VAC14: variants seen among roughly 807,000 people sequenced by gnomAD.
VAC14 encodes the protein VAC14 component of PIKFYVE complex.
A neutral mutation model predicts 85.3 loss-of-function variants in VAC14; 47 were observed. The observed-to-expected ratio is 0.55, with a 90% CI of 0.44 to 0.70. VAC14 has a LOEUF of 0.70. Ranked by LOEUF, VAC14 falls within the 30% of genes least tolerant of loss-of-function variation. VAC14 has a pLI of 0.00. For synonymous variants in VAC14, 447 were observed against 430.5 expected, an observed-to-expected ratio of 1.04 and a Z score of -0.47; for missense variants, 861 against 1,004.3, an observed-to-expected ratio of 0.86 and a Z score of 1.93.
intron 9 of VAC14, among the ~76,000 whole-genome samples, chr16:70,775,266 C>T (rs1379742266): frequency 6.6e-6 from 1 of 152,176 alleles, no homozygotes; most frequent in Non-Finnish European, 1.5e-5. Flanking sequence ...AATTTTCAAA[C>T]ACAAAGCAAA....
chr16:70,744,342 C>G, intron 13 of VAC14, 81 bp downstream of exon 13: 1 of 1,568,856 alleles, frequency 6.4e-7, no homozygotes, highest in Non-Finnish European at 8.6e-7. Context: ...AGCAACAACC[C>G]AAAGGACCGC....
intron 15 of VAC14, among the ~76,000 whole-genome samples, chr16:70,697,686 C>A (rs1455130384): frequency 1.3e-5 from 2 of 152,192 alleles, no homozygotes; most frequent in Admixed American, 1.3e-4. Context: ...CTGCAGTCCA[C>A]TTCGAACACT....
chr16:70,729,078 T>C (rs2143000947), intron 14 of VAC14, among the ~76,000 whole-genome samples: 1 of 152,280 alleles, frequency 6.6e-6, no homozygotes, highest in Admixed American at 6.5e-5. Context: ...ACTGGGGTGA[T>C]TCTCCTCCCT....
intron 1 of VAC14, among the ~76,000 whole-genome samples, chr16:70,795,899 T>TG (rs1477041150): frequency 1.3e-5 from 2 of 152,122 alleles, no homozygotes; most frequent in African/African-American, 4.8e-5. Flanking sequence ...AGTGAGACAG[T>TG]GGGGGCCCTG....
intron 14 of VAC14, among the ~76,000 whole-genome samples, chr16:70,703,744 A>G (rs958085416): frequency 1.3e-5 from 2 of 152,170 alleles, no homozygotes; most frequent in African/African-American, 4.8e-5. Context: ...CCACATACCC[A>G]GGCGCTCTCA....
At chr16:70,730,059 C>T (rs948823530) in intron 14 of VAC14, among the ~76,000 whole-genome samples, 6 of 152,038 alleles carry the variant, frequency 3.9e-5, no homozygotes, top group African/African-American at 1.4e-4. Context: ...AACCAGAGGC[C>T]TGGACACCCT....
intron 16 of VAC14, 62 bp downstream of exon 16, chr16:70,697,077 G>T: frequency 7.1e-7 from 1 of 1,415,926 alleles, no homozygotes; most frequent in Non-Finnish European, 9.9e-7. Flanking sequence ...GTGGAAAGGG[G>T]GCAGCCGGCC....
At chr16:70,765,066 G>A (rs1386139835) in intron 10 of VAC14, among the ~76,000 whole-genome samples, 1 of 152,176 alleles carries the variant, frequency 6.6e-6, no homozygotes, top group Non-Finnish European at 1.5e-5. Context: ...AAGGCCTTAT[G>A]CAAAGCAGGT....
chr16:70,687,918 G>A lies in VAC14; in HGVS notation c.*10C>T, dbSNP rs1464972811. The A allele has an allele frequency of 2.0e-6, 3 of 1,527,194 alleles. No homozygotes were observed. The highest frequency in any genetic ancestry group is 1.8e-6 in the Non-Finnish European group (2 of 1,131,020). 94.6% of individuals were successfully genotyped at this position (1,527,194 alleles called of 1,614,324 possible). On this transcript the variant is annotated 3_prime_UTR_variant, in exon 19 of 19. Transcript: ENST00000261776. Reference sequence around the variant, plus strand: ...GACCACTCGGTGGGCCCTCCTCCGTGCCAGGCCTGTCAGAGGACAACCCTC... The same window carrying A: ...GACCACTCGGTGGGCCCTCCTCCGTACCAGGCCTGTCAGAGGACAACCCTC...
At chr16:70,769,017 T>C (rs2033024124) in intron 10 of VAC14, 1 of 274,092 alleles carries the variant, frequency 3.6e-6, no homozygotes, top group Non-Finnish European at 7.2e-6. Context: ...GGTTTCACCA[T>C]GTTGGCCAGG....
At chr16:70,777,702 G>A (rs2033591785) in intron 9 of VAC14, among the ~76,000 whole-genome samples, 1 of 152,222 alleles carries the variant, frequency 6.6e-6, no homozygotes, top group African/African-American at 2.4e-5. Context: ...AGATGCGGAG[G>A]TGGGGCAGGG....
intron 12 of VAC14, chr16:70,755,109 C>A: frequency 4.6e-6 from 1 of 218,642 alleles, no homozygotes; most frequent in Non-Finnish European, 9.7e-6. Flanking sequence ...GCTGGCCCTC[C>A]TGATCTGCAC....
At chr16:70,754,117 A>C (rs2031629498) in intron 12 of VAC14, among the ~76,000 whole-genome samples, 1 of 152,134 alleles carries the variant, frequency 6.6e-6, no homozygotes, top group Non-Finnish European at 1.5e-5. Flanking sequence ...GGAGAGGTAA[A>C]TACTCAAACC....
chr16:70,761,269 G>C, intron 12 of VAC14: 1 of 417,944 alleles, frequency 2.4e-6, no homozygotes, highest in East Asian at 8.3e-5. Flanking sequence ...GTGAGCAATA[G>C]CCCTCTCCCA....
chr16:70,785,343 T>C (rs917281730), intron 3 of VAC14, among the ~76,000 whole-genome samples: 1 of 152,144 alleles, frequency 6.6e-6, no homozygotes, highest in African/African-American at 2.4e-5. Context: ...AGGGCACTTA[T>C]GAGCTAGACT....
In VAC14 at chr16:70,801,087, GA is replaced by G. The variant is rs1468723456; in HGVS notation, c.-188del. 8.7e-6 allele frequency: 4 copies of G among 457,250 alleles called. No individual in the cohort carries two copies. The highest frequency in any genetic ancestry group is 1.5e-5 in the Non-Finnish European group (4 of 262,044). 28.3% of individuals were successfully genotyped at this position (457,250 alleles called of 1,614,324 possible). A position where few individuals can be genotyped will look rare whatever the true frequency, so the allele number is the denominator to read the frequency against. On this transcript the variant is annotated 5_prime_UTR_variant, in exon 1 of 19. Coordinates refer to ENST00000261776, the MANE Select transcript of VAC14 (RefSeq NM_018052.5). ...GCCCGGACCCCGCTCCAGCACACCT[GA>G]CCCTGGCCGCTTAACAACTCCCGCC...
Position 70,687,460 on chromosome 16 carries a change from T to G in VAC14, c.*468A>C, listed in dbSNP as rs2053513712. 1 of 151,760 alleles carries G rather than the reference T, an allele frequency of 6.6e-6. No homozygotes were observed. Among genetic ancestry groups the G allele is most frequent in the African/African-American group, 2.4e-5 (1 of 41,020 alleles). The allele number at this position is 151,760 out of a possible 1,614,324, so 9.4% of individuals were successfully genotyped here. A position where few individuals can be genotyped will look rare whatever the true frequency, so the allele number is the denominator to read the frequency against. ...CGGGTTGAGGGTTTTCTGTTATTTC[T>G]TTATTGGGGTGGGGGTGGGGTGCAT... On this transcript the variant is annotated 3_prime_UTR_variant, in exon 19 of 19. Transcript: ENST00000261776.
In VAC14 at chr16:70,801,035, G is replaced by T; in HGVS notation, c.-135C>A. On this transcript the variant is annotated 5_prime_UTR_variant, in exon 1 of 19. Coordinates refer to ENST00000261776, the MANE Select transcript of VAC14 (RefSeq NM_018052.5). Reference sequence around the variant, plus strand: ...ACGCCGCTCTAGGCTTGCCTGCCACGCTCCGCCGCCTCGCCCTGGAACCCG... The same window carrying T: ...ACGCCGCTCTAGGCTTGCCTGCCACTCTCCGCCGCCTCGCCCTGGAACCCG... 1.8e-6 allele frequency: 1 copy of T among 543,454 alleles called. No homozygotes were observed. Among genetic ancestry groups the T allele is most frequent in the Non-Finnish European group, 3.0e-6 (1 of 331,118 alleles). 33.7% of individuals were successfully genotyped at this position (543,454 alleles called of 1,614,324 possible). A position where few individuals can be genotyped will look rare whatever the true frequency, so the allele number is the denominator to read the frequency against.
rs572345780 is a variant in VAC14, at chr16:70,799,374, A to G, written c.104+1423T>C. Among the ~76,000 whole-genome samples, 60 of 152,334 alleles carry G rather than the reference A, an allele frequency of 3.9e-4. No individual in the cohort carries two copies. In the South Asian group the frequency reaches 0.011, roughly 28 times the overall value. On this transcript the variant is annotated intron_variant, in intron 1 of 18. Coordinates refer to ENST00000261776, the MANE Select transcript of VAC14 (RefSeq NM_018052.5). ...AGTCAAGAAAGTGGTGTCTGATGAG[A>G]GAAGCAGCTAGATGGTTGTGGACAT...
Sources: gnomAD v4.1 joint callset for allele counts (sites outside exome capture counted in the v4.1 genomes callset) on GRCh38, gnomAD v4.1.1 for gene constraint, MANE v1.5 for transcripts, NCBI Gene and HGNC (gene_info 2026-07-23, HGNC 2026-07-21) for gene names.